MILR1: variants seen among roughly 807,000 people sequenced by gnomAD.
The protein encoded by MILR1 is allergin-1.
A neutral mutation model predicts 18.5 loss-of-function variants in MILR1; 31 were observed. That is an observed-to-expected ratio of 1.68 (90% CI 1.26 to 2.26). The LOEUF (loss-of-function observed/expected upper bound fraction) is 2.26. Among genes scored for constraint, MILR1 ranks in the 30% most tolerant of loss-of-function variants. The pLI is 0.00. For missense variants in MILR1, 257 were observed against 157.4 expected (o/e 1.63, Z -3.38); for synonymous variants, 85 against 56.2 (o/e 1.51, Z -2.30).
At chr17:64,494,196 G>A in the MILR1 span, among the ~76,000 whole-genome samples, 1 of 152,078 alleles carries the variant, frequency 6.6e-6, no homozygotes, top group African/African-American at 2.4e-5. Flanking sequence ...GTGAGTCCAG[G>A]TTAGTCATAG....
chr17:64,472,736 G>A (rs57526460), downstream of MILR1, among the ~76,000 whole-genome samples: 9,860 of 152,138 alleles, frequency 0.065, 441 homozygotes, highest in Admixed American at 0.15. Flanking sequence ...CACCCTAGGC[G>A]TGTAGCAGGC....
the MILR1 span, among the ~76,000 whole-genome samples, chr17:64,478,880 G>T: frequency 6.6e-6 from 1 of 152,090 alleles, no homozygotes; most frequent in Admixed American, 6.6e-5. Flanking sequence ...GGGCGACAGT[G>T]CGAGACTCTG....
chr17:64,491,175 T>G, the MILR1 span, among the ~76,000 whole-genome samples: 1 of 152,272 alleles, frequency 6.6e-6, no homozygotes, highest in East Asian at 1.9e-4. Context: ...CAGGTTAGAG[T>G]GCAGTGGCTA....
intron 2 of MILR1, among the ~76,000 whole-genome samples, 153 bp from the exon 3 acceptor site, chr17:64,452,444 G>A (rs1003523939): frequency 6.6e-5 from 10 of 151,708 alleles, no homozygotes; most frequent in Non-Finnish European, 4.4e-5. Flanking sequence ...GTAGAGACAG[G>A]GTTTTGCCAT....
the MILR1 span, chr17:64,491,397 C>A: frequency 1.6e-6 from 1 of 632,924 alleles, no homozygotes; most frequent in Non-Finnish European, 2.6e-6. Flanking sequence ...GACTTCGAGA[C>A]CAGCCTGGGT....
the MILR1 span, among the ~76,000 whole-genome samples, chr17:64,489,536 G>T: frequency 6.6e-6 from 1 of 151,236 alleles, no homozygotes; most frequent in African/African-American, 2.4e-5. Context: ...TGAGGCAGGG[G>T]GATTGTTTCA....
the MILR1 span, chr17:64,496,650 G>T: frequency 2.2e-5 from 35 of 1,613,780 alleles, no homozygotes; most frequent in Middle Eastern, 4.9e-4. Flanking sequence ...AGGTTCTTCC[G>T]CAACTCTACG....
At chr17:64,452,094 T>G (rs1159323896) in intron 2 of MILR1, among the ~76,000 whole-genome samples, 1 of 150,926 alleles carries the variant, frequency 6.6e-6, no homozygotes, top group Admixed American at 6.6e-5. Context: ...TTTTTTTTTT[T>G]TTTGTTCTGT....
the MILR1 span, among the ~76,000 whole-genome samples, chr17:64,483,640 T>C: frequency 4.9e-3 from 740 of 152,118 alleles, 5 homozygotes; most frequent in African/African-American, 0.017. Flanking sequence ...CATTTCAACT[T>C]TCTCTCTCTT....
chr17:64,481,629 T>C, the MILR1 span, among the ~76,000 whole-genome samples: 7 of 152,260 alleles, frequency 4.6e-5, no homozygotes, highest in East Asian at 1.2e-3. Flanking sequence ...TCCCAGCACG[T>C]TGGGAGGCCG....
At chr17:64,462,602 T>G (rs2037456130) in intron 5 of MILR1, among the ~76,000 whole-genome samples, 1 of 152,092 alleles carries the variant, frequency 6.6e-6, no homozygotes, top group East Asian at 1.9e-4. Flanking sequence ...GCATAAGTAA[T>G]TGCAATTTTT....
At position 64,452,738 on chromosome 17, in the gene MILR1, A is replaced by T; in HGVS notation, c.239A>T (p.Asp80Val). 2 of 475,330 alleles carry T rather than the reference A, an allele frequency of 4.2e-6. No individual in the cohort carries two copies. The highest frequency in any genetic ancestry group is 7.7e-6 in the Non-Finnish European group (2 of 259,030). 29.4% of individuals were successfully genotyped at this position (475,330 alleles called of 1,614,324 possible). Residue 80 changes from aspartate (D) to valine (V), a missense_variant, in exon 3 of 10, where the codon GAT becomes GTT. Asp to Val is a radical substitution (Grantham distance 152, BLOSUM62 -3). Transcript: ENST00000619286. ...CGTAAGACACACCTGGGAACCCAGGATGGAAAAGGTGAACCTGCGATTTTT... is the reference window on the plus strand; with the variant it reads ...CGTAAGACACACCTGGGAACCCAGGTTGGAAAAGGTGAACCTGCGATTTTT... ...FRRKTHLGTQ[D>V]GKGEPAIFNL...
the MILR1 span, chr17:64,490,666 G>A: frequency 2.8e-6 from 2 of 721,768 alleles, no homozygotes; most frequent in South Asian, 3.0e-5. Flanking sequence ...ATGTAGGTGA[G>A]TGTCTCTGCA....
chr17:64,473,843 A>T, the MILR1 span, among the ~76,000 whole-genome samples: 6 of 152,220 alleles, frequency 3.9e-5, no homozygotes, highest in Non-Finnish European at 8.8e-5. Flanking sequence ...CTCAAAAAAA[A>T]GTGTAAAAGG....
At chr17:64,473,736 T>C in the MILR1 span, among the ~76,000 whole-genome samples, 1 of 152,142 alleles carries the variant, frequency 6.6e-6, no homozygotes, top group African/African-American at 2.4e-5. Flanking sequence ...CATAAAAAAA[T>C]TATTAAAAGC....
chr17:64,477,939 A>G, the MILR1 span: 1 of 1,613,994 alleles, frequency 6.2e-7, no homozygotes, highest in Non-Finnish European at 8.5e-7. Context: ...CCATTCTCCA[A>G]AGTAGTTTCA....
At chr17:64,458,008 G>A (rs995608433) in intron 4 of MILR1, among the ~76,000 whole-genome samples, 1 of 152,158 alleles carries the variant, frequency 6.6e-6, no homozygotes, top group Non-Finnish European at 1.5e-5. Flanking sequence ...GGGACTTGTG[G>A]CAAAACTTTC....
At chr17:64,463,954 G>C (rs1219060169) in intron 5 of MILR1, among the ~76,000 whole-genome samples, 1 of 151,016 alleles carries the variant, frequency 6.6e-6, no homozygotes, top group Non-Finnish European at 1.5e-5. Context: ...ATCCTGAGTA[G>C]CTGGGATTAC....
chr17:64,482,242 T>TA, the MILR1 span, among the ~76,000 whole-genome samples: 1 of 151,732 alleles, frequency 6.6e-6, no homozygotes, highest in African/African-American at 2.4e-5. Context: ...TAGCTGGAAT[T>TA]ACAGGCACAT....
Sources: allele counts gnomAD v4.1 joint callset (sites outside exome capture counted in the v4.1 genomes callset), GRCh38; gene constraint gnomAD v4.1.1; transcripts MANE v1.5; gene names NCBI Gene and HGNC (gene_info 2026-07-23, HGNC 2026-07-21).